NKAIN2: variants seen among roughly 807,000 people sequenced by gnomAD.
The protein encoded by NKAIN2 is sodium/potassium-transporting ATPase subunit beta-1-interacting protein 2.
A neutral mutation model predicts 32.6 loss-of-function variants in NKAIN2; 14 were observed. The observed-to-expected ratio is 0.43, with a 90% CI of 0.28 to 0.67. The LOEUF (loss-of-function observed/expected upper bound fraction) is 0.67. Among genes scored for constraint, NKAIN2 ranks in the 30% least tolerant of loss-of-function variants. The pLI, the probability that NKAIN2 is intolerant of heterozygous loss-of-function variation, is 0.17. For missense variants in NKAIN2, 198 were observed against 258.3 expected (o/e 0.77, Z 1.60); for synonymous variants, 80 against 87.2 (o/e 0.92, Z 0.46).
At chr6:124,184,943 A>G (rs1417423608) in intron 1 of NKAIN2, among the ~76,000 whole-genome samples, 1 of 152,174 alleles carries the variant, frequency 6.6e-6, no homozygotes, top group African/African-American at 2.4e-5. Context: ...CATAATATAC[A>G]TCTATTTCTA....
chr6:124,169,457 TGC>T (rs1179059069), intron 1 of NKAIN2, among the ~76,000 whole-genome samples: 1 of 152,176 alleles, frequency 6.6e-6, no homozygotes, highest in Non-Finnish European at 1.5e-5. Flanking sequence ...GATCTAGAAT[TGC>T]TACATTTTAC....
intron 1 of NKAIN2, among the ~76,000 whole-genome samples, chr6:124,278,368 A>C (rs1330289060): frequency 3.3e-5 from 5 of 151,896 alleles, no homozygotes; most frequent in African/African-American, 7.3e-5. Context: ...AAAGTCAATA[A>C]ATTTATTTAT....
At chr6:124,169,377 A>G (rs1451036732) in intron 1 of NKAIN2, among the ~76,000 whole-genome samples, 1 of 152,194 alleles carries the variant, frequency 6.6e-6, no homozygotes, top group South Asian at 2.1e-4. Context: ...CAAAGTAGAT[A>G]AAGATTATTG....
chr6:124,203,558 T>G (rs1239667403), intron 1 of NKAIN2, among the ~76,000 whole-genome samples: 1 of 151,732 alleles, frequency 6.6e-6, no homozygotes, highest in East Asian at 1.9e-4. Flanking sequence ...TAATGATAGG[T>G]AAATCTAAAT....
chr6:124,584,299 A>T (rs1781628084), intron 3 of NKAIN2, among the ~76,000 whole-genome samples: 1 of 152,206 alleles, frequency 6.6e-6, no homozygotes, highest in Admixed American at 6.5e-5. Flanking sequence ...TTAAATAGGA[A>T]AATATCTAAT....
In NKAIN2 at chr6:124,760,250, G is replaced by A. The variant is rs557701660; in HGVS notation, c.475-31089G>A. Among the ~76,000 whole-genome samples the A allele has an allele frequency of 2.0e-5, 3 of 152,044 alleles. No individual in the cohort carries two copies. The East Asian group carries it at 5.8e-4, about 30-fold the overall frequency. On this transcript the variant is annotated intron_variant, in intron 4 of 6. Transcript: ENST00000368417. ...GAACAATAGACACTGGCGTCTACTT[G>A]AAGCAGGAGGATGGGAGGAGGGAGA...
chr6:124,157,974 G>A (rs1038737333), intron 1 of NKAIN2, among the ~76,000 whole-genome samples: 3 of 152,100 alleles, frequency 2.0e-5, no homozygotes, highest in Non-Finnish European at 4.4e-5. Flanking sequence ...TACATTTGCA[G>A]TTTTGTGCAA....
chr6:124,710,196 T>C (rs1456621517), intron 4 of NKAIN2, among the ~76,000 whole-genome samples: 27 of 152,116 alleles, frequency 1.8e-4, no homozygotes, highest in African/African-American at 5.3e-4. Context: ...GTCTGAGAGA[T>C]AGTTTGTTAT....
intron 4 of NKAIN2, among the ~76,000 whole-genome samples, chr6:124,782,528 A>T (rs1005306954): frequency 1.3e-5 from 2 of 152,094 alleles, no homozygotes; most frequent in Admixed American, 6.6e-5. Context: ...TCCCATTGTC[A>T]TCACTGGGGC....
chr6:124,786,621 T>A (rs904518066), intron 4 of NKAIN2, among the ~76,000 whole-genome samples: 6 of 152,104 alleles, frequency 3.9e-5, no homozygotes, highest in Non-Finnish European at 1.5e-5. Flanking sequence ...AGATGACATG[T>A]AATTCCTTAC....
At chr6:124,427,636 G>A (rs766346033) in intron 3 of NKAIN2, among the ~76,000 whole-genome samples, 105 of 152,194 alleles carry the variant, frequency 6.9e-4, no homozygotes, top group Non-Finnish European at 1.0e-3. Flanking sequence ...CAACTACATA[G>A]CTTGTTAATC....
chr6:124,685,604 T>C (rs534835368), intron 4 of NKAIN2, among the ~76,000 whole-genome samples: 1 of 152,080 alleles, frequency 6.6e-6, no homozygotes, highest in Admixed American at 6.6e-5. Flanking sequence ...ATGAAAAAAA[T>C]TCTATATTGG....
chr6:124,742,055 T>C (rs899297894), intron 4 of NKAIN2, among the ~76,000 whole-genome samples: 1 of 151,812 alleles, frequency 6.6e-6, no homozygotes, highest in African/African-American at 2.4e-5. Context: ...GTTTCTCATA[T>C]CCCAAGTCAT....
chr6:124,704,974 G>A (rs1240854699), intron 4 of NKAIN2, among the ~76,000 whole-genome samples: 36 of 151,862 alleles, frequency 2.4e-4, no homozygotes, highest in Admixed American at 2.3e-3. Context: ...AATGACCATA[G>A]GAAGAAATAA....
At chr6:124,516,339 T>C (rs1778913373) in intron 3 of NKAIN2, among the ~76,000 whole-genome samples, 1 of 152,306 alleles carries the variant, frequency 6.6e-6, no homozygotes, top group East Asian at 1.9e-4. Flanking sequence ...TCAATTAGTA[T>C]GTTTCATGAA....
In NKAIN2 at chr6:123,976,804, G is replaced by A. The variant is rs116143303; in HGVS notation, c.54+172550G>A. Among the ~76,000 whole-genome samples, 441 of 151,800 alleles carry A rather than the reference G, an allele frequency of 2.9e-3. 2 individuals carry two copies. Among genetic ancestry groups the A allele is most frequent in the African/African-American group, 0.01 (421 of 41,160 alleles). On this transcript the variant is annotated intron_variant, in intron 1 of 6. Coordinates refer to ENST00000368417, the MANE Select transcript of NKAIN2 (RefSeq NM_001040214.3). ...ACAAAAAGAACTAGTTAAAAATAAAGTGTATACAGTGTACAAAATTGTGAA... is the reference window on the plus strand; with the variant it reads ...ACAAAAAGAACTAGTTAAAAATAAAATGTATACAGTGTACAAAATTGTGAA...
At chr6:124,520,820 G>A (rs1779091549) in intron 3 of NKAIN2, among the ~76,000 whole-genome samples, 1 of 152,170 alleles carries the variant, frequency 6.6e-6, no homozygotes, top group Non-Finnish European at 1.5e-5. Flanking sequence ...TCTGAGCAAT[G>A]ACTATATATG....
At chr6:123,957,667 C>A (rs4895951) in intron 1 of NKAIN2, among the ~76,000 whole-genome samples, 39,377 of 151,994 alleles carry the variant, frequency 0.26, 5,574 homozygotes, top group South Asian at 0.39. Context: ...ATATATTAAT[C>A]CAGCACTGGC....
At chr6:123,813,407 G>A (rs542052255) in intron 1 of NKAIN2, among the ~76,000 whole-genome samples, 1 of 152,158 alleles carries the variant, frequency 6.6e-6, no homozygotes, top group Non-Finnish European at 1.5e-5. Flanking sequence ...GCATATGAAG[G>A]TTTTACCTGA....
Sources: allele counts gnomAD v4.1 joint callset (sites outside exome capture counted in the v4.1 genomes callset), GRCh38; gene constraint gnomAD v4.1.1; transcripts MANE v1.5; gene names NCBI Gene and HGNC (gene_info 2026-07-23, HGNC 2026-07-21).